The following FGF13 variants were observed in gnomAD, a reference collection of about 807,000 sequenced individuals.
FGF13 encodes fibroblast growth factor homologous factor 2.
In FGF13, 2 loss-of-function variants were observed where a neutral mutation model predicts 19.5. The ratio of observed to expected loss-of-function variants is 0.10; its 90% CI spans 0.04 to 0.32. FGF13 has a LOEUF of 0.32. Ranked by LOEUF, FGF13 falls within the 10% of genes least tolerant of loss-of-function variation. FGF13 has a pLI of 1.00. For synonymous variants in FGF13, 72 were observed against 76.9 expected (o/e 0.94, Z 0.33); for missense variants, 113 against 192.7 (o/e 0.59, Z 2.45).
At chrX:138,956,541 T>C (rs1484132395) in intron 1 of FGF13, among the ~76,000 whole-genome samples, 1 of 111,212 alleles carries the variant, frequency 9.0e-6, no homozygotes, top group Non-Finnish European at 1.9e-5. Context: ...GTCTCAGCTG[T>C]GCACTGACTG....
chrX:139,066,127 G>C (rs1426730594), intron 1 of FGF13, among the ~76,000 whole-genome samples: 1 of 111,612 alleles, frequency 9.0e-6, no homozygotes, highest in African/African-American at 3.3e-5. Flanking sequence ...AAACCAATGA[G>C]AACAAAGACA....
intron 1 of FGF13, among the ~76,000 whole-genome samples, chrX:138,884,735 T>A (rs1005586060): frequency 9.0e-6 from 1 of 111,727 alleles, no homozygotes; most frequent in Admixed American, 9.5e-5. Flanking sequence ...ACACACACAA[T>A]TGCAAGAGGA....
chrX:138,678,561 A>T (rs1224575276), intron 3 of FGF13, among the ~76,000 whole-genome samples: 3 of 111,502 alleles, frequency 2.7e-5, no homozygotes, highest in Non-Finnish European at 5.6e-5. Context: ...TACAACTGTG[A>T]GCCTATCATC....
chrX:138,966,190 T>C (rs1157285248), intron 1 of FGF13, among the ~76,000 whole-genome samples: 1 of 111,243 alleles, frequency 9.0e-6, no homozygotes, highest in Non-Finnish European at 1.9e-5. Flanking sequence ...CCCCACAGAG[T>C]TCCCACTGGG....
chrX:138,738,515 C>G (rs1477463257), intron 1 of FGF13, among the ~76,000 whole-genome samples: 2 of 111,831 alleles, frequency 1.8e-5, no homozygotes, highest in Admixed American at 9.5e-5. Context: ...CTGCTCTTTT[C>G]AAAGAGACTT....
In FGF13 at chrX:138,996,948, G is replaced by A. The variant is rs183738324; in HGVS notation, c.-112-132298C>T. The stretch of plus-strand genomic sequence containing the variant: ...AGAAGAGCTTTGGCTGGCATCTGGC[G>A]GGTGCCTCTCTGGGACAAAACTTCC... On this transcript the variant is annotated intron_variant, in intron 1 of 2. Transcript: ENST00000421460. Among the ~76,000 whole-genome samples the A allele has an allele frequency of 5.0e-3, 558 of 111,781 alleles. 2 individuals carry two copies. Among genetic ancestry groups the A allele is most frequent in the African/African-American group, 0.016 (499 of 30,684 alleles).
rs953100834 is a variant in FGF13, at chrX:138,621,184, A to G, written c.*11666T>C. The G allele has an allele frequency of 2.7e-5, 3 of 111,708 alleles. No individual in the cohort carries two copies. In the East Asian group the frequency reaches 8.4e-4, roughly 31 times the overall value. The allele number at this position is 111,708 out of a possible 1,213,427, so 9.2% of individuals were successfully genotyped here. ...AGCAATAGAATGTACATTCGTCCCA[A>G]GTAATTGCGCAGGTACATTTTGAAG... On this transcript the variant is annotated 3_prime_UTR_variant, in exon 5 of 5. Coordinates refer to ENST00000315930, the MANE Select transcript of FGF13 (RefSeq NM_004114.5).
At chrX:139,011,248 C>T (rs1603123554) in intron 1 of FGF13, among the ~76,000 whole-genome samples, 2 of 109,510 alleles carry the variant, frequency 1.8e-5, no homozygotes, top group Non-Finnish European at 3.8e-5. Flanking sequence ...GGTACCAATC[C>T]TATTGACACT....
At chrX:139,074,734 C>A (rs1024266975) in intron 1 of FGF13, among the ~76,000 whole-genome samples, 1 of 112,287 alleles carries the variant, frequency 8.9e-6, no homozygotes, top group Admixed American at 9.4e-5. Context: ...GAAGTCTCCG[C>A]CCCCTTCTCA....
At chrX:138,930,461 C>T (rs1057325858) in intron 1 of FGF13, among the ~76,000 whole-genome samples, 1 of 111,767 alleles carries the variant, frequency 8.9e-6, no homozygotes, top group Non-Finnish European at 1.9e-5. Flanking sequence ...CTGGATGGGC[C>T]AACTTTCCCC....
chrX:138,685,122 T>C lies in FGF13; in HGVS notation c.402+17862A>G, dbSNP rs1374952916. 2.7e-5 allele frequency among the ~76,000 whole-genome samples: 3 copies of C among 111,487 alleles called. No individual in the cohort carries two copies. In the East Asian group the frequency reaches 8.5e-4, roughly 31 times the overall value. ...CACAAGGAGATATAATAAAACTATC[T>C]AGAGCAACACTTCTCCCTTTAATTA... On this transcript the variant is annotated intron_variant, in intron 3 of 4. Transcript: ENST00000315930.
At chrX:139,087,440 T>G (rs2083411861) in intron 1 of FGF13, among the ~76,000 whole-genome samples, 1 of 112,306 alleles carries the variant, frequency 8.9e-6, no homozygotes, top group Non-Finnish European at 1.9e-5. Flanking sequence ...CTTCATTTAT[T>G]TTTCTGGGCC....
At chrX:139,079,719 C>A (rs1436506079) in intron 1 of FGF13, among the ~76,000 whole-genome samples, 1 of 111,184 alleles carries the variant, frequency 9.0e-6, no homozygotes, top group Non-Finnish European at 1.9e-5. Context: ...AAGTCTTTGG[C>A]ACTGAAAGGC....
chrX:138,796,212 C>A (rs760505393), intron 3 of FGF13, among the ~76,000 whole-genome samples: 11 of 110,662 alleles, frequency 9.9e-5, no homozygotes, highest in African/African-American at 3.3e-4. Flanking sequence ...CCAAGGCTCT[C>A]CCTCCCCTTG....
chrX:138,886,006 T>C (rs1030081574), intron 1 of FGF13, among the ~76,000 whole-genome samples: 1 of 111,839 alleles, frequency 8.9e-6, no homozygotes, highest in African/African-American at 3.3e-5. Context: ...GTATTGTTTA[T>C]TCCCACTTCG....
In FGF13 at chrX:138,733,672, T is replaced by C. The variant is rs1383084483; in HGVS notation, c.28+5570A>G. 1.7e-4 allele frequency among the ~76,000 whole-genome samples: 19 copies of C among 111,496 alleles called. No homozygotes were observed. The Admixed American group carries it at 1.8e-3, about 11-fold the overall frequency. On this transcript the variant is annotated intron_variant, in intron 1 of 4. Transcript: ENST00000305414. Reference sequence around the variant, plus strand: ...ACAATAATCTACATTGTGCAGTTACTGTATGAATGAGTTACACCTGTGCAG... The same window carrying C: ...ACAATAATCTACATTGTGCAGTTACCGTATGAATGAGTTACACCTGTGCAG...
intron 1 of FGF13, among the ~76,000 whole-genome samples, chrX:139,024,109 G>A (rs953860222): frequency 9.0e-6 from 1 of 110,549 alleles, no homozygotes; most frequent in African/African-American, 3.3e-5. Flanking sequence ...GTTCACAGGG[G>A]CAGTGAACCT....
chrX:138,755,996 C>T (rs1299994875), intron 3 of FGF13, among the ~76,000 whole-genome samples: 1 of 111,586 alleles, frequency 9.0e-6, no homozygotes, highest in African/African-American at 3.3e-5. Context: ...TTAGGACATA[C>T]AAAGAGACAC....
chrX:139,139,574 G>A (rs776190041), intron 1 of FGF13, among the ~76,000 whole-genome samples: 321 of 112,270 alleles, frequency 2.9e-3, no homozygotes, highest in Middle Eastern at 4.7e-3. Flanking sequence ...GATTGAAAGC[G>A]GGGAAAATTT....
Sources: gnomAD v4.1 joint callset for allele counts (sites outside exome capture counted in the v4.1 genomes callset) on GRCh38, gnomAD v4.1.1 for gene constraint, MANE v1.5 for transcripts, NCBI Gene and HGNC (gene_info 2026-07-23, HGNC 2026-07-21) for gene names.